The following SYCE1L variants were observed in gnomAD, a reference collection of about 807,000 sequenced individuals.
SYCE1L encodes the protein synaptonemal complex central element protein 1-like.
A neutral mutation model predicts 39.6 loss-of-function variants in SYCE1L; 51 were observed. The observed-to-expected ratio is 1.29, with a 90% CI of 1.03 to 1.63. The LOEUF (loss-of-function observed/expected upper bound fraction) is 1.63. Ranked by LOEUF, SYCE1L falls within the 40% of genes most tolerant of loss-of-function variation. The pLI, the probability that SYCE1L is intolerant of heterozygous loss-of-function variation, is 0.00. For missense variants in SYCE1L, 426 were observed against 304.9 expected, an observed-to-expected ratio of 1.40 and a Z score of -2.96; for synonymous variants, 147 against 122.4, an observed-to-expected ratio of 1.20 and a Z score of -1.33.
chr16:77,201,007 C>T (rs2054736392), intron 1 of SYCE1L: 1 of 152,160 alleles, frequency 6.6e-6, no homozygotes, highest in African/African-American at 2.4e-5. Context: ...TAGACTGCAT[C>T]CTGCCAGACC....
At chr16:77,202,284 A>C (rs2054751182) in intron 1 of SYCE1L, 1 of 152,204 alleles carries the variant, frequency 6.6e-6, no homozygotes, top group African/African-American at 2.4e-5. Flanking sequence ...CTTATTGTTC[A>C]GAATCACTCA....
chr16:77,212,731 A>T (rs1006990062), intron 10 of SYCE1L, 85 bp downstream of exon 10: 28 of 1,442,746 alleles, frequency 1.9e-5, no homozygotes, highest in Admixed American at 5.1e-5. Flanking sequence ...GGCCCCCGAG[A>T]GTGGGGTCTG....
At chr16:77,211,473 AC>A (rs1403872368) in intron 7 of SYCE1L, among the ~76,000 whole-genome samples, 197 bp downstream of exon 7, 1 of 151,470 alleles carries the variant, frequency 6.6e-6, no homozygotes, top group African/African-American at 2.4e-5. Context: ...CCACTGCCAC[AC>A]CCAGCATCAC....
rs893942225 is a variant in SYCE1L at position 77,199,490 on chromosome 16, A to C, written c.39A>C (p.Pro13=). 1.3e-6 allele frequency: 2 copies of C among 1,551,492 alleles called. No individual in the cohort carries two copies. The highest frequency in any genetic ancestry group is 2.4e-5 in the South Asian group (2 of 84,052). ...GKLKPLNVEA[P]EATEEAEGQA... ...TGAAACCTCTGAATGTGGAGGCGCC[A>C]GAAGCTACTGAGGAGGCTGAAGGTA... Residue 13 remains proline, a synonymous_variant, in exon 1 of 11, where the codon CCA becomes CCC. Transcript: ENST00000378644.
At chr16:77,206,728 C>G (rs368765444) in intron 2 of SYCE1L, among the ~76,000 whole-genome samples, 17 of 152,096 alleles carry the variant, frequency 1.1e-4, no homozygotes, top group African/African-American at 3.4e-4. Context: ...TCCCTCCCCC[C>G]ACACACCAGT....
intron 1 of SYCE1L, chr16:77,200,297 C>A (rs1319443646): frequency 1.6e-5 from 1 of 64,240 alleles, no homozygotes; most frequent in South Asian, 4.8e-4. Context: ...TATATACACA[C>A]ACTAATCAGC....
intron 1 of SYCE1L, among the ~76,000 whole-genome samples, chr16:77,203,663 C>T (rs970806427): frequency 1.1e-4 from 16 of 149,054 alleles, no homozygotes; most frequent in African/African-American, 3.2e-4. Context: ...GGTGCCATCT[C>T]GGCTCACCGC....
At position 77,212,277 on chromosome 16, in the gene SYCE1L, G is replaced by A. The variant is rs371566888; in HGVS notation, c.494-5G>A. On this transcript the variant is annotated splice_polypyrimidine_tract_variant and splice_region_variant and intron_variant, in intron 8 of 10. Transcript: ENST00000378644. ...GCCCTGCCCCTGACGCCCGCCCACC[G>A]ACAGGGAGGCTGGTGCGCGCCAAGC... The A allele has an allele frequency of 5.7e-5, 87 of 1,518,992 alleles. No homozygotes were observed. In the Middle Eastern group the frequency reaches 7.0e-4, roughly 12 times the overall value. 94.1% of individuals were successfully genotyped at this position (1,518,992 alleles called of 1,614,324 possible). A position where few individuals can be genotyped will look rare whatever the true frequency, so the allele number is the denominator to read the frequency against.
At chr16:77,208,992 C>G in intron 4 of SYCE1L, 105 bp from the exon 5 acceptor site, 3 of 1,276,584 alleles carry the variant, frequency 2.4e-6, no homozygotes, top group Non-Finnish European at 3.3e-6. Flanking sequence ...CCTCACCTCT[C>G]CTAGGGCTGT....
intron 1 of SYCE1L, among the ~76,000 whole-genome samples, chr16:77,203,945 A>T (rs2054766286): frequency 6.6e-6 from 1 of 152,000 alleles, no homozygotes; most frequent in African/African-American, 2.4e-5. Flanking sequence ...CTCGCCCACC[A>T]TTATTAATTA....
rs368273530 is a variant in SYCE1L, at chr16:77,208,434, CAT to C, written c.182-29_182-28del. ...GAACAGCAAGGCTAGAGACTACACT[CAT>C]ACAGTGTCTTTTTCCCTTCTTGGCC... On this transcript the variant is annotated intron_variant, in intron 3 of 10. Transcript: ENST00000378644. The C allele has an allele frequency of 4.3e-4, 663 of 1,550,792 alleles. 1 individual carries two copies. The highest frequency in any genetic ancestry group is 7.1e-4 in the Admixed American group (36 of 50,996).
chr16:77,208,602 C>G (rs1170077048), intron 4 of SYCE1L, 63 bp downstream of exon 4: 1 of 1,483,686 alleles, frequency 6.7e-7, no homozygotes, highest in East Asian at 2.5e-5. Flanking sequence ...ACCTCAGGGC[C>G]TTTGCACAGG....
chr16:77,208,386 T>G, intron 3 of SYCE1L, 79 bp from the exon 4 acceptor site: 1 of 1,540,318 alleles, frequency 6.5e-7, no homozygotes, highest in Non-Finnish European at 8.8e-7. Context: ...TGAAGATGAC[T>G]GTGCAATGTC....
chr16:77,203,095 A>G (rs12444706), intron 1 of SYCE1L, among the ~76,000 whole-genome samples: 75,145 of 152,078 alleles, frequency 0.49, 21,676 homozygotes, highest in Non-Finnish European at 0.64. Context: ...TAAGGAGAGA[A>G]GAGAAAATTT....
At chr16:77,207,780 C>G (rs913204285) in intron 2 of SYCE1L, among the ~76,000 whole-genome samples, 14 of 152,146 alleles carry the variant, frequency 9.2e-5, no homozygotes, top group African/African-American at 3.4e-4. Flanking sequence ...ACGTGCCTCA[C>G]CCGCTCCTGC....
At chr16:77,201,221 A>G (rs1366490170) in intron 1 of SYCE1L, 1 of 152,252 alleles carries the variant, frequency 6.6e-6, no homozygotes, top group Non-Finnish European at 1.5e-5. Flanking sequence ...TTAGAGGCAC[A>G]TACTAAGTGC....
At chr16:77,211,081 A>G (rs2054819032) in intron 6 of SYCE1L, 132 bp from the exon 7 acceptor site, 3 of 933,346 alleles carry the variant, frequency 3.2e-6, no homozygotes, top group African/African-American at 1.7e-5. Context: ...ACCAAAGCTT[A>G]GAGGATAAAA....
intron 2 of SYCE1L, among the ~76,000 whole-genome samples, chr16:77,207,169 C>T (rs2054791454): frequency 1.3e-5 from 2 of 152,256 alleles, no homozygotes; most frequent in East Asian, 1.9e-4. Context: ...AACAAAGACC[C>T]CCAGAGATTT....
chr16:77,212,102 C>G, intron 7 of SYCE1L, 28 bp from the exon 8 acceptor site: 1 of 1,540,176 alleles, frequency 6.5e-7, no homozygotes, highest in Non-Finnish European at 8.8e-7. Flanking sequence ...GACGGCCAAA[C>G]GGGGAGGCCT....
Sources: gnomAD v4.1 joint callset for allele counts (sites outside exome capture counted in the v4.1 genomes callset) on GRCh38, gnomAD v4.1.1 for gene constraint, MANE v1.5 for transcripts, NCBI Gene and HGNC (gene_info 2026-07-23, HGNC 2026-07-21) for gene names.